Variants in KAZN observed in about 807,000 individuals in gnomAD.
KAZN encodes kazrin, periplakin interacting protein.
KAZN carries 40 observed loss-of-function variants against 87.4 expected under a neutral mutation model. The observed-to-expected ratio is 0.46, with a 90% CI of 0.36 to 0.60. The LOEUF (loss-of-function observed/expected upper bound fraction) is 0.60. Among genes scored for constraint, KAZN ranks in the 20% least tolerant of loss-of-function variants. The pLI is 0.00. For missense variants in KAZN, 898 were observed against 1,073.9 expected, an observed-to-expected ratio of 0.84 and a Z score of 2.29; for synonymous variants, 466 against 458.3, an observed-to-expected ratio of 1.02 and a Z score of -0.22.
intron 1 of KAZN, among the ~76,000 whole-genome samples, chr1:14,177,718 GA>G (rs1469988034): frequency 6.6e-6 from 1 of 151,396 alleles, no homozygotes; most frequent in Non-Finnish European, 1.5e-5. Context: ...GACTAGGCAA[GA>G]AAAACTTGCA....
At chr1:14,091,191 G>A (rs1643984156) in intron 1 of KAZN, among the ~76,000 whole-genome samples, 1 of 149,348 alleles carries the variant, frequency 6.7e-6, no homozygotes, top group South Asian at 2.1e-4. Flanking sequence ...TTGGTATATT[G>A]CCATGCAAAC....
intron 2 of KAZN, among the ~76,000 whole-genome samples, chr1:14,355,313 A>G (rs888397072): frequency 5.9e-5 from 9 of 152,210 alleles, no homozygotes; most frequent in African/African-American, 1.7e-4. Context: ...GCATTTTACT[A>G]TATGCAATTA....
At chr1:13,994,179 A>G (rs1209452592) in intron 1 of KAZN, among the ~76,000 whole-genome samples, 10 of 152,136 alleles carry the variant, frequency 6.6e-5, no homozygotes, top group Non-Finnish European at 1.5e-4. Flanking sequence ...TGAAGCTCTG[A>G]CCCAGGGCAT....
intron 2 of KAZN, among the ~76,000 whole-genome samples, chr1:14,418,572 A>G (rs1302358165): frequency 1.3e-5 from 2 of 152,232 alleles, no homozygotes; most frequent in African/African-American, 4.8e-5. Flanking sequence ...TATCACCATC[A>G]GGCAAGGAAA....
chr1:14,386,363 T>C (rs1277776995), intron 2 of KAZN, among the ~76,000 whole-genome samples: 2 of 150,672 alleles, frequency 1.3e-5, no homozygotes, highest in African/African-American at 4.9e-5. Context: ...ATGATGATGT[T>C]AGCTGGTTAT....
rs180849422 is a variant in KAZN, at chr1:14,001,632, C to A, written c.91+107876C>A. Reference sequence around the variant, plus strand: ...TGCAAGGCTACAGTAACCAAAACAGCATGGCACTTGTACCAAAACAGACAT... The same window carrying A: ...TGCAAGGCTACAGTAACCAAAACAGAATGGCACTTGTACCAAAACAGACAT... On this transcript the variant is annotated intron_variant, in intron 1 of 16. Coordinates refer to the KAZN transcript ENST00000636203. Among the ~76,000 whole-genome samples the A allele has an allele frequency of 3.4e-3, 519 of 152,322 alleles. 3 individuals carry two copies. Among genetic ancestry groups the A allele is most frequent in the African/African-American group, 0.012 (505 of 41,574 alleles).
intron 1 of KAZN, among the ~76,000 whole-genome samples, chr1:14,020,662 A>G (rs1475093711): frequency 2.6e-5 from 4 of 152,260 alleles, no homozygotes; most frequent in African/African-American, 7.2e-5. Flanking sequence ...GAAAGACAAG[A>G]TAATTCACCT....
intron 2 of KAZN, among the ~76,000 whole-genome samples, chr1:14,577,331 A>G (rs895081489): frequency 1.3e-5 from 2 of 152,212 alleles, no homozygotes; most frequent in Admixed American, 1.3e-4. Context: ...AATACAAGCT[A>G]TCTACGGGCT....
intron 2 of KAZN, among the ~76,000 whole-genome samples, chr1:14,566,157 T>A (rs7549956): frequency 0.89 from 135,234 of 152,250 alleles, 62,381 homozygotes; most frequent in East Asian, 1. Context: ...ATTGAAAGTC[T>A]AAATTACTCT....
chr1:14,022,485 C>CAAA (rs58713618), intron 1 of KAZN, among the ~76,000 whole-genome samples: 7 of 110,504 alleles, frequency 6.3e-5, no homozygotes, highest in East Asian at 3.6e-4. Flanking sequence ...GTATTTAAAG[C>CAAA]AAAAAAAAAA....
At chr1:14,433,108 G>C (rs1385567736) in intron 2 of KAZN, among the ~76,000 whole-genome samples, 3 of 151,982 alleles carry the variant, frequency 2.0e-5, no homozygotes, top group African/African-American at 7.3e-5. Context: ...ATTCATGGAG[G>C]TATCATGAAA....
intron 1 of KAZN, among the ~76,000 whole-genome samples, chr1:14,879,948 A>G (rs1000001536): frequency 6.6e-6 from 1 of 152,224 alleles, no homozygotes; most frequent in Non-Finnish European, 1.5e-5. Context: ...AACAAGGAAA[A>G]GAAGGCTCAC....
chr1:14,489,346 G>A (rs1329109327), intron 2 of KAZN, among the ~76,000 whole-genome samples: 13 of 151,714 alleles, frequency 8.6e-5, no homozygotes, highest in East Asian at 7.7e-4. Flanking sequence ...TATATAAATC[G>A]GGATAAAATT....
chr1:13,961,657 G>A (rs1386335285), intron 1 of KAZN, among the ~76,000 whole-genome samples: 3 of 152,196 alleles, frequency 2.0e-5, no homozygotes, highest in South Asian at 2.1e-4. Context: ...CACTCAGGGT[G>A]ACATTGAAGT....
rs180750713 is a variant in KAZN, at chr1:14,460,574, G to A, written c.250-138409G>A. Reference sequence around the variant, plus strand: ...GTGCCCTGATCACTCAGTAATTACTGCAGGCCTGGGATACTCCTCTCCTCC... The same window carrying A: ...GTGCCCTGATCACTCAGTAATTACTACAGGCCTGGGATACTCCTCTCCTCC... On this transcript the variant is annotated intron_variant, in intron 2 of 16. Coordinates refer to the KAZN transcript ENST00000636203. 1.2e-4 allele frequency among the ~76,000 whole-genome samples: 19 copies of A among 152,242 alleles called. No individual in the cohort carries two copies. The East Asian group carries it at 3.7e-3, about 29-fold the overall frequency.
chr1:14,215,052 CT>C (rs1308267498), intron 2 of KAZN, among the ~76,000 whole-genome samples: 2 of 152,178 alleles, frequency 1.3e-5, no homozygotes, highest in East Asian at 3.9e-4. Context: ...TTTCATAAAG[CT>C]TTTTGGTAAT....
chr1:15,046,447 C>G (rs536128656), intron 4 of KAZN, among the ~76,000 whole-genome samples: 1 of 151,984 alleles, frequency 6.6e-6, no homozygotes, highest in Non-Finnish European at 1.5e-5. Context: ...TTTGCTGTCT[C>G]GGGGTGACGG....
chr1:14,951,279 C>T (rs56149732), intron 1 of KAZN, among the ~76,000 whole-genome samples: 1,889 of 152,152 alleles, frequency 0.012, 38 homozygotes, highest in African/African-American at 0.043. Flanking sequence ...TGGGCTCTGC[C>T]GGCCTCCTCA....
Position 14,570,434 on chromosome 1 carries a change from G to A in KAZN, c.250-28549G>A, listed in dbSNP as rs150508964. 4.7e-3 allele frequency among the ~76,000 whole-genome samples: 711 copies of A among 152,142 alleles called. 9 individuals carry two copies. Among genetic ancestry groups the A allele is most frequent in the African/African-American group, 0.017 (685 of 41,488 alleles). On this transcript the variant is annotated intron_variant, in intron 2 of 16. Transcript: ENST00000636203. ...CCCTAGCCCCAGATCACCACTGATC[G>A]ACTTTCTGTGACTAGTTCTACTCAT...
Sources: gnomAD v4.1 joint callset for allele counts (sites outside exome capture counted in the v4.1 genomes callset) on GRCh38, gnomAD v4.1.1 for gene constraint, MANE v1.5 for transcripts, NCBI Gene and HGNC (gene_info 2026-07-23, HGNC 2026-07-21) for gene names.